Variants in AGMO observed in about 807,000 individuals in gnomAD.
AGMO encodes the protein alkylglycerol monooxygenase, also known as glyceryl-ether monooxygenase.
AGMO carries 75 observed loss-of-function variants against 60.2 expected under a neutral mutation model. That is an observed-to-expected ratio of 1.25 (90% CI 1.03 to 1.51). The LOEUF (loss-of-function observed/expected upper bound fraction) is 1.51. Ranked by LOEUF, AGMO falls within the 40% of genes most tolerant of loss-of-function variation. The pLI is 0.00. For synonymous variants in AGMO, 261 were observed against 177.1 expected (o/e 1.47, Z -3.76); for missense variants, 763 against 525.5 (o/e 1.45, Z -4.42).
chr7:15,249,724 A>G (rs1315064484), intron 12 of AGMO, among the ~76,000 whole-genome samples: 2 of 152,158 alleles, frequency 1.3e-5, no homozygotes, highest in Non-Finnish European at 2.9e-5. Flanking sequence ...GGGATTTGAA[A>G]GATGAGGTAC....
chr7:15,242,254 C>T (rs1247459163), intron 12 of AGMO, among the ~76,000 whole-genome samples: 1 of 152,088 alleles, frequency 6.6e-6, no homozygotes, highest in Admixed American at 6.6e-5. Context: ...TAGGATTCTG[C>T]TTACTACACA....
chr7:15,373,222 G>C (rs1195841105), intron 10 of AGMO, among the ~76,000 whole-genome samples: 1 of 151,676 alleles, frequency 6.6e-6, no homozygotes, highest in Non-Finnish European at 1.5e-5. Flanking sequence ...TGGTTTCAGT[G>C]AGCTGAGATG....
intron 3 of AGMO, among the ~76,000 whole-genome samples, chr7:15,473,782 T>C (rs911272353): frequency 6.6e-6 from 1 of 152,112 alleles, no homozygotes; most frequent in Non-Finnish European, 1.5e-5. Flanking sequence ...TGTTTGCAGA[T>C]GACATGATTG....
chr7:15,190,805 A>G, the AGMO span, among the ~76,000 whole-genome samples: 12,487 of 152,206 alleles, frequency 0.082, 716 homozygotes, highest in Non-Finnish European at 0.11. Context: ...AGAGTTGCAA[A>G]GGAACACAGA....
intron 12 of AGMO, among the ~76,000 whole-genome samples, chr7:15,307,915 TTTTTA>T (rs1317262095): frequency 7.9e-5 from 12 of 151,674 alleles, no homozygotes; most frequent in Middle Eastern, 3.4e-3. Flanking sequence ...TGTGATGGAG[TTTTTA>T]TTTTATGTCT....
At chr7:15,212,412 A>G (rs987746470) in intron 12 of AGMO, among the ~76,000 whole-genome samples, 3 of 151,726 alleles carry the variant, frequency 2.0e-5, no homozygotes, top group Admixed American at 2.0e-4. Context: ...CAGGCCTTTC[A>G]CTCTTGGCAG....
Position 15,485,542 on chromosome 7 carries a change from G to A in AGMO, c.410-54434C>T, listed in dbSNP as rs548950536. Among the ~76,000 whole-genome samples, 12 of 152,048 alleles carry A rather than the reference G, an allele frequency of 7.9e-5. No individual in the cohort carries two copies. The East Asian group carries it at 2.1e-3, about 27-fold the overall frequency. On this transcript the variant is annotated intron_variant, in intron 3 of 12. Coordinates refer to ENST00000342526, the MANE Select transcript of AGMO (RefSeq NM_001004320.2). ...CTCTGGGGTGGTTAATGCTTTTTTGGTCAGGGAACCCTGTTCAATGTTAAC... is the reference window on the plus strand; with the variant it reads ...CTCTGGGGTGGTTAATGCTTTTTTGATCAGGGAACCCTGTTCAATGTTAAC...
intron 3 of AGMO, among the ~76,000 whole-genome samples, chr7:15,501,742 A>G (rs1783391034): frequency 1.3e-5 from 2 of 151,994 alleles, no homozygotes; most frequent in African/African-American, 4.8e-5. Flanking sequence ...ATTGAACAAG[A>G]AAATGGAAAG....
chr7:15,129,392 A>T, the AGMO span, among the ~76,000 whole-genome samples: 1 of 152,290 alleles, frequency 6.6e-6, no homozygotes, highest in Non-Finnish European at 1.5e-5. Context: ...ATAGGAAATC[A>T]GAAATGAATA....
At chr7:15,258,572 A>AG (rs1783172439) in intron 12 of AGMO, among the ~76,000 whole-genome samples, 1 of 152,028 alleles carries the variant, frequency 6.6e-6, no homozygotes, top group Non-Finnish European at 1.5e-5. Flanking sequence ...AAATAAAATA[A>AG]AAAAAGAAAA....
At chr7:15,290,068 T>C (rs1784218207) in intron 12 of AGMO, among the ~76,000 whole-genome samples, 1 of 150,312 alleles carries the variant, frequency 6.7e-6, no homozygotes, top group South Asian at 2.1e-4. Flanking sequence ...TTTCACCCCG[T>C]TGCCAGGCTG....
intron 12 of AGMO, among the ~76,000 whole-genome samples, chr7:15,326,581 C>G (rs746195356): frequency 1.3e-5 from 2 of 152,154 alleles, no homozygotes; most frequent in Non-Finnish European, 2.9e-5. Context: ...TCTGAACCCA[C>G]TGATTAATGA....
At chr7:15,287,784 A>AT (rs5882491) in intron 12 of AGMO, among the ~76,000 whole-genome samples, 53,542 of 151,594 alleles carry the variant, frequency 0.35, 11,100 homozygotes, top group East Asian at 0.51. Flanking sequence ...ACGTAGCTAA[A>AT]TTTTTTTTTG....
At chr7:15,400,478 C>T (rs1001896959) in intron 5 of AGMO, among the ~76,000 whole-genome samples, 1 of 152,124 alleles carries the variant, frequency 6.6e-6, no homozygotes, top group African/African-American at 2.4e-5. Flanking sequence ...GTATGAGTGT[C>T]ATTCCGTGCT....
intron 2 of AGMO, among the ~76,000 whole-genome samples, chr7:15,556,820 T>C (rs532351487): frequency 6.6e-6 from 1 of 152,064 alleles, no homozygotes; most frequent in Non-Finnish European, 1.5e-5. Flanking sequence ...CATGATACAC[T>C]GTGTTTATCT....
intron 12 of AGMO, among the ~76,000 whole-genome samples, chr7:15,270,992 T>C (rs971012041): frequency 1.3e-5 from 2 of 152,038 alleles, no homozygotes; most frequent in African/African-American, 2.4e-5. Context: ...CCTTTATTTC[T>C]AGGTTTTCTA....
intron 12 of AGMO, among the ~76,000 whole-genome samples, chr7:15,205,873 T>C (rs1296803940): frequency 3.9e-5 from 6 of 152,128 alleles, no homozygotes; most frequent in Admixed American, 3.9e-4. Context: ...AAATTGTTTC[T>C]GTAGTATCAG....
At position 15,358,214 on chromosome 7, in the gene AGMO, T is replaced by C. The variant is rs571639869; in HGVS notation, c.1263+7300A>G. 28 of 190,696 alleles carry C rather than the reference T, an allele frequency of 1.5e-4. No individual in the cohort carries two copies. The South Asian group carries it at 1.9e-3, about 13-fold the overall frequency. 11.8% of individuals were successfully genotyped at this position (190,696 alleles called of 1,614,324 possible). ...GCATGTAACAGCTACATAGCAGGAA[T>C]TGTCAGTGCACATTTAATATTTATT... On this transcript the variant is annotated intron_variant, in intron 12 of 12. Coordinates refer to ENST00000342526, the MANE Select transcript of AGMO (RefSeq NM_001004320.2).
At chr7:15,531,414 A>T (rs1208127345) in intron 3 of AGMO, among the ~76,000 whole-genome samples, 7 of 86,608 alleles carry the variant, frequency 8.1e-5, no homozygotes, top group African/African-American at 3.8e-4. Flanking sequence ...TTCTATATAT[A>T]TTCTATATAT....
Sources: allele counts gnomAD v4.1 joint callset (sites outside exome capture counted in the v4.1 genomes callset), GRCh38; gene constraint gnomAD v4.1.1; transcripts MANE v1.5; gene names NCBI Gene and HGNC (gene_info 2026-07-23, HGNC 2026-07-21).